Variants in DOCK3 observed in about 807,000 individuals in gnomAD.
The protein encoded by DOCK3 is dedicator of cytokinesis protein 3.
Under a neutral mutation model 265.6 loss-of-function variants are expected in DOCK3, and 60 were observed. That is an observed-to-expected ratio of 0.23 (90% CI 0.18 to 0.28). The LOEUF (loss-of-function observed/expected upper bound fraction) is 0.28. Ranked by LOEUF, DOCK3 falls within the 10% of genes least tolerant of loss-of-function variation. The pLI is 1.00. For missense variants in DOCK3, 1,981 were observed against 2,594.3 expected (o/e 0.76, Z 5.14); for synonymous variants, 881 against 938.0 (o/e 0.94, Z 1.11).
intron 3 of DOCK3, among the ~76,000 whole-genome samples, chr3:50,868,901 G>GTTTTTTTTTT (rs147898866): frequency 1.4e-4 from 2 of 14,294 alleles, no homozygotes; most frequent in African/African-American, 4.8e-4. Context: ...TGGATAATCT[G>GTTTTTTTTTT]TTTTTTTTTT....
At chr3:50,898,938 A>G (rs1450529740) in intron 4 of DOCK3, among the ~76,000 whole-genome samples, 1 of 152,196 alleles carries the variant, frequency 6.6e-6, no homozygotes, top group African/African-American at 2.4e-5. Flanking sequence ...TAGTGCTGAG[A>G]GGAATGTATA....
chr3:50,979,124 G>C (rs2077596689), intron 5 of DOCK3, among the ~76,000 whole-genome samples: 1 of 152,134 alleles, frequency 6.6e-6, no homozygotes, highest in South Asian at 2.1e-4. Context: ...CTCACGCTGG[G>C]AGCTGTAGAC....
chr3:50,775,082 T>A (rs1030301029), intron 1 of DOCK3, among the ~76,000 whole-genome samples: 1 of 152,084 alleles, frequency 6.6e-6, no homozygotes, highest in African/African-American at 2.4e-5. Context: ...TGTTTTTATT[T>A]ATATTAATGA....
chr3:51,220,619 T>C (rs2090026612), intron 14 of DOCK3, among the ~76,000 whole-genome samples: 1 of 145,180 alleles, frequency 6.9e-6, no homozygotes, highest in Admixed American at 7.1e-5. Context: ...ATTGTGCCGC[T>C]GTACTCCAGC....
chr3:50,977,727 C>T, intron 5 of DOCK3, among the ~76,000 whole-genome samples: 1 of 152,082 alleles, frequency 6.6e-6, no homozygotes, highest in East Asian at 1.9e-4. Context: ...TGGAAAATAT[C>T]CTGCAGAGTG....
chr3:51,374,793 T>C lies in DOCK3; in HGVS notation c.5412+206T>C, dbSNP rs1384973722. On this transcript the variant is annotated intron_variant, in intron 50 of 52. Transcript: ENST00000266037. This position sits in a 1 kb window ranked among gnomAD's most constrained non-coding sequence, Gnocchi z 4.8. ...AGACAGAGTGTAGGCGTGAGTAGAA[T>C]GGTGGCAGGAACCACCATTGGAACC... Among the ~76,000 whole-genome samples the C allele has an allele frequency of 2.0e-5, 3 of 152,190 alleles. No homozygotes were observed. The highest frequency in any genetic ancestry group is 4.4e-5 in the Non-Finnish European group (3 of 68,040).
intron 2 of DOCK3, among the ~76,000 whole-genome samples, chr3:50,785,991 GTTAT>G (rs1408397430): frequency 2.7e-5 from 4 of 150,922 alleles, no homozygotes; most frequent in Non-Finnish European, 5.9e-5. Context: ...CTCACTGCTT[GTTAT>G]TTGTCTGTTC....
chr3:50,856,673 T>C (rs1420349658), intron 3 of DOCK3, among the ~76,000 whole-genome samples: 1 of 152,174 alleles, frequency 6.6e-6, no homozygotes, highest in East Asian at 1.9e-4. Context: ...GTGATGGCCT[T>C]TTATTTCTTT....
chr3:50,873,403 G>T (rs779474049), intron 3 of DOCK3, among the ~76,000 whole-genome samples: 3 of 152,142 alleles, frequency 2.0e-5, no homozygotes, highest in Non-Finnish European at 4.4e-5. Flanking sequence ...TGCTGTGACT[G>T]AGCTGGTATC....
chr3:51,183,454 G>T (rs2087415756), intron 12 of DOCK3, among the ~76,000 whole-genome samples: 1 of 152,080 alleles, frequency 6.6e-6, no homozygotes, highest in Non-Finnish European at 1.5e-5. Context: ...AAGAGGAATA[G>T]TAAGAGGGAC....
chr3:51,282,771 T>G (rs2081200671), intron 27 of DOCK3, among the ~76,000 whole-genome samples: 1 of 151,800 alleles, frequency 6.6e-6, no homozygotes, highest in South Asian at 2.1e-4. Context: ...AGAATTAATA[T>G]CAGTCCTTTG....
chr3:50,916,912 T>C (rs1276724353), intron 4 of DOCK3, among the ~76,000 whole-genome samples: 1 of 151,722 alleles, frequency 6.6e-6, no homozygotes, highest in Non-Finnish European at 1.5e-5. Context: ...GGGGGACAAG[T>C]GCTAGGGGCT....
chr3:51,049,786 A>G (rs1205795827), intron 5 of DOCK3, among the ~76,000 whole-genome samples: 1 of 144,522 alleles, frequency 6.9e-6, no homozygotes, highest in Admixed American at 7.3e-5. Context: ...AGAAAGCCCT[A>G]ATGGGTCCAC....
intron 7 of DOCK3, among the ~76,000 whole-genome samples, chr3:51,087,984 A>G (rs1348968692): frequency 6.6e-6 from 1 of 152,228 alleles, no homozygotes; most frequent in East Asian, 1.9e-4. Context: ...AATAGCCAAG[A>G]TATAGAATTA....
rs539332400 is a variant in DOCK3 at position 51,180,660 on chromosome 3, T to G, written c.1037+19958T>G. On this transcript the variant is annotated intron_variant, in intron 12 of 52. Coordinates refer to ENST00000266037, the MANE Select transcript of DOCK3 (RefSeq NM_004947.5). ...GATAATCTCCTTATCTCAAAATCCTTAATTTAATTACATCTGCAAAGACCC... is the reference window on the plus strand; with the variant it reads ...GATAATCTCCTTATCTCAAAATCCTGAATTTAATTACATCTGCAAAGACCC... 2.0e-5 allele frequency among the ~76,000 whole-genome samples: 3 copies of G among 152,330 alleles called. 1 individual carries two copies. In the East Asian group the frequency reaches 5.8e-4, roughly 29 times the overall value.
At chr3:50,859,803 C>T (rs1229095746) in intron 3 of DOCK3, among the ~76,000 whole-genome samples, 1 of 152,188 alleles carries the variant, frequency 6.6e-6, no homozygotes, top group Non-Finnish European at 1.5e-5. Flanking sequence ...AGTTGGTAGA[C>T]TCTTGCTCAG....
intron 27 of DOCK3, among the ~76,000 whole-genome samples, chr3:51,309,143 G>T (rs1016771501): frequency 1.3e-5 from 2 of 152,128 alleles, no homozygotes; most frequent in African/African-American, 4.8e-5. Context: ...CAGACAATGG[G>T]CAGCCAGGCA....
intron 12 of DOCK3, among the ~76,000 whole-genome samples, chr3:51,202,122 C>G (rs2088823066): frequency 7.1e-6 from 1 of 140,006 alleles, no homozygotes; most frequent in Non-Finnish European, 1.5e-5. Flanking sequence ...ACTAGAGAAG[C>G]AAGAGCAAAC....
rs2109418473 is a variant in DOCK3 at position 51,305,789 on chromosome 3, G to T, written c.2923-4443G>T. ...TTATTATAGGGCAGGTCTACAAATA[G>T]AAAATTCTCTCTGTTTTTATCTGAG... On this transcript the variant is annotated intron_variant, in intron 27 of 52. Transcript: ENST00000266037. Among the ~76,000 whole-genome samples the T allele has an allele frequency of 7.9e-5, 11 of 138,386 alleles. No homozygotes were observed. In the South Asian group the frequency reaches 9.6e-4, roughly 12 times the overall value. The allele number at this position is 138,386 out of a possible 152,430, so 90.8% of individuals were successfully genotyped here. A position where few individuals can be genotyped will look rare whatever the true frequency, so the allele number is the denominator to read the frequency against.
Sources: gnomAD v4.1 joint callset for allele counts (sites outside exome capture counted in the v4.1 genomes callset) on GRCh38, gnomAD v4.1.1 for gene constraint, Gnocchi (gnomAD v3.1) non-coding constraint, MANE v1.5 for transcripts, NCBI Gene and HGNC (gene_info 2026-07-23, HGNC 2026-07-21) for gene names.